Variants in POLN observed in about 807,000 individuals in gnomAD.
The protein encoded by POLN is DNA polymerase N.
In POLN, 108 loss-of-function variants were observed where a neutral mutation model predicts 113.5. The observed-to-expected ratio is 0.95, with a 90% CI of 0.81 to 1.12. POLN has a LOEUF of 1.12. Ranked by LOEUF, POLN falls within the 50% of genes most tolerant of loss-of-function variation. POLN has a pLI of 0.00. For synonymous variants in POLN, 386 were observed against 391.5 expected (o/e 0.99, Z 0.17); for missense variants, 1,097 against 1,077.1 (o/e 1.02, Z -0.26).
In POLN at chr4:2,157,916, G is replaced by T; in HGVS notation, c.1612-5C>A. On this transcript the variant is annotated splice_region_variant and splice_polypyrimidine_tract_variant and intron_variant, in intron 14 of 25. Coordinates refer to ENST00000511885, the MANE Select transcript of POLN (RefSeq NM_181808.4). Reference sequence around the variant, plus strand: ...GGTTGACTTGATCTTGTGAACCTAAGGTGGAAAGACAAGAATAATCATTTT... The same window carrying T: ...GGTTGACTTGATCTTGTGAACCTAATGTGGAAAGACAAGAATAATCATTTT... 1 of 1,600,338 alleles carries T rather than the reference G, an allele frequency of 6.2e-7. No individual in the cohort carries two copies. The highest frequency in any genetic ancestry group is 8.5e-7 in the Non-Finnish European group (1 of 1,169,746).
chr4:2,202,829 G>A (rs1026243346), intron 5 of POLN, among the ~76,000 whole-genome samples: 10 of 150,322 alleles, frequency 6.7e-5, no homozygotes, highest in South Asian at 2.1e-4. Context: ...TGCACCTAAC[G>A]CTGAAGTGCC....
At chr4:2,174,248 C>T (rs1004823391) in intron 10 of POLN, among the ~76,000 whole-genome samples, 1 of 152,226 alleles carries the variant, frequency 6.6e-6, no homozygotes, top group Non-Finnish European at 1.5e-5. Context: ...GAGGGGACCG[C>T]ACTGGCCAGC....
At chr4:2,091,300 C>G (rs559471892) in intron 20 of POLN, among the ~76,000 whole-genome samples, 1 of 152,066 alleles carries the variant, frequency 6.6e-6, no homozygotes, top group African/African-American at 2.4e-5. Flanking sequence ...ATGGAGCTGT[C>G]GGGATCTCTG....
chr4:2,227,930 A>G (rs1455977508), intron 3 of POLN: 1 of 152,240 alleles, frequency 6.6e-6, no homozygotes, highest in Admixed American at 6.5e-5. Context: ...GTCTTACACT[A>G]TCAATTGCTA....
chr4:2,236,877 AATAATT>A (rs1007653135), intron 2 of POLN, among the ~76,000 whole-genome samples: 11 of 149,138 alleles, frequency 7.4e-5, no homozygotes, highest in South Asian at 2.1e-4. Context: ...TAATAATAAT[AATAATT>A]ATAATTATAA....
At chr4:2,162,385 C>A in intron 13 of POLN, among the ~76,000 whole-genome samples, 1 of 151,844 alleles carries the variant, frequency 6.6e-6, no homozygotes, top group Admixed American at 6.6e-5. Flanking sequence ...GGAAGAAACT[C>A]CAAACACATC....
chr4:2,206,946 C>T (rs896429426), intron 5 of POLN, among the ~76,000 whole-genome samples: 8 of 152,170 alleles, frequency 5.3e-5, no homozygotes, highest in African/African-American at 1.7e-4. Context: ...GATACTTGCA[C>T]GTGCATGGTT....
In POLN at chr4:2,101,488, G is replaced by A. The variant is rs549583293; in HGVS notation, c.1983-5555C>T. On this transcript the variant is annotated intron_variant, in intron 19 of 25. Coordinates refer to ENST00000511885, the MANE Select transcript of POLN (RefSeq NM_181808.4). Reference sequence around the variant, plus strand: ...CCAGAGTGACTCCCCAGTACCGGAGGGGGTGATAATCTTTCTGTGGTCCAC... The same window carrying A: ...CCAGAGTGACTCCCCAGTACCGGAGAGGGTGATAATCTTTCTGTGGTCCAC... 3.3e-5 allele frequency among the ~76,000 whole-genome samples: 5 copies of A among 152,362 alleles called. No homozygotes were observed. In the South Asian group the frequency reaches 8.3e-4, roughly 25 times the overall value.
chr4:2,150,661 T>C lies in POLN; in HGVS notation c.1731+6127A>G, dbSNP rs1375596349. Reference sequence around the variant, plus strand: ...AAGTATATAGATCAACTAGACTGAGTTCAGAGTACAGTATTAAACCCTTAT... The same window carrying C: ...AAGTATATAGATCAACTAGACTGAGCTCAGAGTACAGTATTAAACCCTTAT... On this transcript the variant is annotated intron_variant, in intron 16 of 25. Coordinates refer to ENST00000511885, the MANE Select transcript of POLN (RefSeq NM_181808.4). Among the ~76,000 whole-genome samples the C allele has an allele frequency of 3.9e-5, 6 of 152,084 alleles. No individual in the cohort carries two copies. In the South Asian group the frequency reaches 1.0e-3, roughly 26 times the overall value.
chr4:2,157,758 C>T (rs1352492659), intron 15 of POLN, 100 bp downstream of exon 15: 7 of 464,160 alleles, frequency 1.5e-5, no homozygotes, highest in South Asian at 4.1e-5. Flanking sequence ...AATATTTAGA[C>T]GATTTCATCA....
rs1177030983 is a variant in POLN, at chr4:2,230,577, CAAT to C, written c.-12-1337_-12-1335del. 2.0e-5 allele frequency: 3 copies of C among 151,522 alleles called. No homozygotes were observed. In the East Asian group the frequency reaches 5.8e-4, roughly 29 times the overall value. The allele number at this position is 151,522 out of a possible 1,614,324, so 9.4% of individuals were successfully genotyped here. A position where few individuals can be genotyped will look rare whatever the true frequency, so the allele number is the denominator to read the frequency against. ...CATAAAATTTTAAATAACATAAACA[CAAT>C]AATTGGCAAAATATTTTTGTTCAAT... On this transcript the variant is annotated intron_variant, in intron 2 of 25. Coordinates refer to ENST00000511885, the MANE Select transcript of POLN (RefSeq NM_181808.4).
chr4:2,100,275 A>C (rs1447321056), intron 19 of POLN, among the ~76,000 whole-genome samples: 1 of 152,128 alleles, frequency 6.6e-6, no homozygotes, highest in African/African-American at 2.4e-5. Context: ...TTTTGTAACC[A>C]ATGAAAATTA....
chr4:2,074,013 C>T (rs1183712455), intron 24 of POLN, among the ~76,000 whole-genome samples: 1 of 152,222 alleles, frequency 6.6e-6, no homozygotes, highest in East Asian at 1.9e-4. Flanking sequence ...CTTATGGGGG[C>T]GAGGCTGGAG....
chr4:2,188,352 G>A (rs1355882566), intron 7 of POLN, among the ~76,000 whole-genome samples: 1 of 152,160 alleles, frequency 6.6e-6, no homozygotes, highest in East Asian at 1.9e-4. Flanking sequence ...TGTAATCCCA[G>A]CACTTTGGGA....
rs115239025 is a variant in POLN at position 2,129,753 on chromosome 4, T to A, written c.1790-497A>T. ...AGTTAACTAGGTTTTCTGTTTTTTT[T>A]AATTTTCTGTTCTGTCTAGAATTCT... is the stretch of plus-strand genomic sequence containing the variant. On this transcript the variant is annotated intron_variant, in intron 17 of 25. Coordinates refer to ENST00000511885, the MANE Select transcript of POLN (RefSeq NM_181808.4). Among the ~76,000 whole-genome samples the A allele has an allele frequency of 8.2e-3, 1,246 of 152,302 alleles. 23 individuals carry two copies. Among genetic ancestry groups the A allele is most frequent in the African/African-American group, 0.028 (1,145 of 41,556 alleles).
chr4:2,119,412 CATGTGTGTGCACACGTGTGTGT>C (rs1469272359), intron 19 of POLN, among the ~76,000 whole-genome samples: 1 of 75,562 alleles, frequency 1.3e-5, no homozygotes, highest in Non-Finnish European at 3.1e-5. Flanking sequence ...TGTGTGTGTG[CATGTGTGTGCACACGTGTGTGT>C]GTGAAGCTGC....
intron 19 of POLN, among the ~76,000 whole-genome samples, chr4:2,122,574 G>A (rs1208450866): frequency 6.6e-6 from 1 of 152,162 alleles, no homozygotes. Flanking sequence ...GAATCAAAAA[G>A]ACAGGTAATA....
Position 2,081,685 on chromosome 4 carries a change from G to A in POLN, c.2256C>T (p.Asp752=), listed in dbSNP as rs375131114. ...GCTCTGCTTGTGCCCGGAGTTGCTG[G>A]TCATGAGCGTGAATCCTTGGCAGGG... ...RRPLPRIHAH[D]QQLRAQAERQ... Residue 752 remains aspartate (D), a synonymous_variant, in exon 22 of 26, where the codon GAC becomes GAT. Coordinates refer to ENST00000511885, the MANE Select transcript of POLN (RefSeq NM_181808.4). 46 of 1,614,076 alleles carry A rather than the reference G, an allele frequency of 2.8e-5. No individual in the cohort carries two copies. In the African/African-American group the frequency reaches 5.1e-4, roughly 18 times the overall value.
chr4:2,211,009 G>C (rs1318638048), intron 4 of POLN, among the ~76,000 whole-genome samples: 1 of 150,672 alleles, frequency 6.6e-6, no homozygotes, highest in Non-Finnish European at 1.5e-5. Flanking sequence ...CCAACATTTT[G>C]GGGGGCTGAG....
Sources: allele counts gnomAD v4.1 joint callset (sites outside exome capture counted in the v4.1 genomes callset), GRCh38; gene constraint gnomAD v4.1.1; transcripts MANE v1.5; gene names NCBI Gene and HGNC (gene_info 2026-07-23, HGNC 2026-07-21).